POU2F1: variants seen among roughly 807,000 people sequenced by gnomAD.
The protein encoded by POU2F1 is POU class 2 homeobox 1.
Under a neutral mutation model 84.9 loss-of-function variants are expected in POU2F1, and 16 were observed. The ratio of observed to expected loss-of-function variants is 0.19; its 90% CI spans 0.13 to 0.29. The LOEUF (loss-of-function observed/expected upper bound fraction) is 0.29, where lower values mean the gene tolerates loss of function less well. POU2F1 is among the 10% of genes least tolerant of loss of function. The pLI is 1.00. For synonymous variants in POU2F1, 368 were observed against 368.3 expected, an observed-to-expected ratio of 1.00 and a Z score of 0.01; for missense variants, 738 against 942.6, an observed-to-expected ratio of 0.78 and a Z score of 2.84.
At chr1:167,331,770 TTCATTTAGGATATTGAGGTA>T in intron 1 of POU2F1, among the ~76,000 whole-genome samples, 1 of 152,216 alleles carries the variant, frequency 6.6e-6, no homozygotes, top group Admixed American at 6.5e-5. Context: ...AATTAGCAGT[TTCATTTAGGATATTGAGGTA>T]GTATTACTTT....
chr1:167,404,378 C>T (rs577360649), intron 13 of POU2F1, among the ~76,000 whole-genome samples: 9 of 152,234 alleles, frequency 5.9e-5, no homozygotes, highest in Non-Finnish European at 1.2e-4. Flanking sequence ...GTCCCCTCCC[C>T]TGAATGGAAG....
At chr1:167,317,570 A>C (rs897588829) in intron 1 of POU2F1, among the ~76,000 whole-genome samples, 3 of 152,232 alleles carry the variant, frequency 2.0e-5, no homozygotes, top group African/African-American at 7.2e-5. Context: ...GATTAACTAA[A>C]ACAGGAAACA....
intron 9 of POU2F1, 82 bp from the exon 10 acceptor site, chr1:167,396,204 A>G (rs549446791): frequency 9.3e-6 from 14 of 1,502,902 alleles, no homozygotes; most frequent in East Asian, 9.1e-5. Flanking sequence ...TATTGGAGCA[A>G]CACCCCAGAG....
chr1:167,369,335 T>G, intron 3 of POU2F1, among the ~76,000 whole-genome samples: 1 of 152,198 alleles, frequency 6.6e-6, no homozygotes, highest in East Asian at 1.9e-4. Flanking sequence ...ACTTGATTAT[T>G]TGTCTGCCAG....
intron 1 of POU2F1, among the ~76,000 whole-genome samples, chr1:167,275,435 A>AT (rs1371511737): frequency 6.6e-6 from 1 of 152,066 alleles, no homozygotes; most frequent in Non-Finnish European, 1.5e-5. Context: ...AATGTACATC[A>AT]TTCTTCAGTA....
At chr1:167,325,086 G>A (rs768832390) in intron 1 of POU2F1, among the ~76,000 whole-genome samples, 14 of 152,150 alleles carry the variant, frequency 9.2e-5, no homozygotes, top group Non-Finnish European at 1.6e-4. Flanking sequence ...TGATGGGTTT[G>A]TTGGACTTTT....
At chr1:167,318,969 A>G (rs988137505) in intron 1 of POU2F1, 2 of 153,372 alleles carry the variant, frequency 1.3e-5, no homozygotes, top group Non-Finnish European at 2.9e-5. Flanking sequence ...CATAGCTATC[A>G]TTAGATTGAT....
intron 1 of POU2F1, among the ~76,000 whole-genome samples, chr1:167,271,133 A>T (rs539730894): frequency 1.9e-4 from 29 of 152,366 alleles, no homozygotes; most frequent in African/African-American, 7.0e-4. Flanking sequence ...AGATTTAAAG[A>T]GGTATCAAGT....
chr1:167,232,316 T>G (rs1218102310), intron 1 of POU2F1, among the ~76,000 whole-genome samples: 1 of 152,196 alleles, frequency 6.6e-6, no homozygotes, highest in East Asian at 1.9e-4. Flanking sequence ...AACTGAAACA[T>G]TCCTATCTCC....
intron 2 of POU2F1, among the ~76,000 whole-genome samples, chr1:167,355,614 A>C (rs112023083): frequency 3.3e-5 from 5 of 152,360 alleles, no homozygotes; most frequent in African/African-American, 1.2e-4. Flanking sequence ...GGGAGAACTG[A>C]CATTTTTACA....
chr1:167,339,263 T>C (rs926526832), intron 2 of POU2F1, among the ~76,000 whole-genome samples: 21 of 152,306 alleles, frequency 1.4e-4, no homozygotes, highest in African/African-American at 4.8e-4. Context: ...CTTACTATCC[T>C]GAACTTCATT....
At chr1:167,297,365 A>G (rs985185614) in intron 1 of POU2F1, among the ~76,000 whole-genome samples, 6 of 152,224 alleles carry the variant, frequency 3.9e-5, no homozygotes, top group Non-Finnish European at 7.3e-5. Flanking sequence ...CAGAAGCTTC[A>G]AGGACAATAG....
intron 1 of POU2F1, among the ~76,000 whole-genome samples, chr1:167,234,362 GT>G (rs1649295294): frequency 6.6e-6 from 1 of 152,174 alleles, no homozygotes; most frequent in Non-Finnish European, 1.5e-5. Flanking sequence ...GACTATAAAC[GT>G]TTTTGAAGTT....
chr1:167,307,271 C>T (rs1655134359), intron 1 of POU2F1, among the ~76,000 whole-genome samples: 1 of 152,088 alleles, frequency 6.6e-6, no homozygotes, highest in Non-Finnish European at 1.5e-5. Flanking sequence ...AAAATGTAGA[C>T]TTGTAAAATG....
chr1:167,411,512 A>G (rs1208050796), intron 13 of POU2F1, among the ~76,000 whole-genome samples: 1 of 151,918 alleles, frequency 6.6e-6, no homozygotes, highest in East Asian at 1.9e-4. Context: ...GTTGTTGTTG[A>G]TACTGAATTC....
chr1:167,415,777 G>GTCC lies in POU2F1; in HGVS notation c.2269_2271dup (p.Ser757dup). The GTCC allele has an allele frequency of 6.2e-7, 1 of 1,613,986 alleles. No individual in the cohort carries two copies. Among genetic ancestry groups the GTCC allele is most frequent in the Non-Finnish European group, 8.5e-7 (1 of 1,179,976 alleles). ...CAGTGGCCTCTGCCAGCGGGGCTGC[G>GTCC]TCCACCACCACCACCGCCTCCAAGG... On this transcript the variant is annotated inframe_insertion, in exon 16 of 16. Transcript: ENST00000367866.
At chr1:167,369,600 CTTTTATGTGTGGTTTA>C (rs923527962) in intron 3 of POU2F1, among the ~76,000 whole-genome samples, 1 of 151,998 alleles carries the variant, frequency 6.6e-6, no homozygotes, top group African/African-American at 2.4e-5. Context: ...TTTTGACAGA[CTTTTATGTGTGGTTTA>C]TAGGGTAGAT....
chr1:167,261,479 A>G (rs748465254), intron 1 of POU2F1, among the ~76,000 whole-genome samples: 1 of 152,142 alleles, frequency 6.6e-6, no homozygotes, highest in Non-Finnish European at 1.5e-5. Context: ...TAAGAGCAAG[A>G]TATAGGGATA....
At chr1:167,277,498 T>TA (rs34080201) in intron 1 of POU2F1, among the ~76,000 whole-genome samples, 17,620 of 135,496 alleles carry the variant, frequency 0.13, 2,282 homozygotes, top group African/African-American at 0.35. Context: ...CCTGGCTAAT[T>TA]AAAAAAAAAA....
Sources: allele counts gnomAD v4.1 joint callset (sites outside exome capture counted in the v4.1 genomes callset), GRCh38; gene constraint gnomAD v4.1.1; transcripts MANE v1.5; gene names NCBI Gene and HGNC (gene_info 2026-07-23, HGNC 2026-07-21).